The following LMO7 variants were observed in gnomAD, a reference collection of about 807,000 sequenced individuals.
LMO7 encodes the protein LIM domain 7, also known as LIM domain only protein 7.
Under a neutral mutation model 206.5 loss-of-function variants are expected in LMO7, and 120 were observed. The ratio of observed to expected loss-of-function variants is 0.58; its 90% CI spans 0.50 to 0.68. The LOEUF (loss-of-function observed/expected upper bound fraction) is 0.68. Ranked by LOEUF, LMO7 falls within the 30% of genes least tolerant of loss-of-function variation. The pLI is 0.00. For missense variants in LMO7, 1,959 were observed against 1,957.9 expected (o/e 1.00, Z -0.01); for synonymous variants, 706 against 681.5 (o/e 1.04, Z -0.56).
intron 4 of LMO7, among the ~76,000 whole-genome samples, chr13:75,765,957 T>C (rs1158194074): frequency 6.6e-6 from 1 of 152,122 alleles, no homozygotes; most frequent in Non-Finnish European, 1.5e-5. Context: ...TCTGTATCTT[T>C]AAAACGATCC....
chr13:75,748,105 T>C (rs560077307), intron 3 of LMO7, among the ~76,000 whole-genome samples: 4 of 152,254 alleles, frequency 2.6e-5, no homozygotes, highest in African/African-American at 9.6e-5. Context: ...GCAGGTGGCT[T>C]CTGGAAGCTG....
intron 3 of LMO7, among the ~76,000 whole-genome samples, chr13:75,750,494 G>A (rs1019076700): frequency 6.7e-6 from 1 of 148,934 alleles, no homozygotes; most frequent in African/African-American, 2.5e-5. Flanking sequence ...AGCTCAAGCT[G>A]TACTCCCACT....
chr13:75,769,510 T>C (rs1168670347), intron 4 of LMO7, among the ~76,000 whole-genome samples: 4 of 152,198 alleles, frequency 2.6e-5, no homozygotes, highest in Admixed American at 6.6e-5. Flanking sequence ...ACTTGTACAC[T>C]CAGTAACTCA....
intron 1 of LMO7, among the ~76,000 whole-genome samples, chr13:75,677,658 ATAC>A (rs2040124584): frequency 7.2e-6 from 1 of 138,816 alleles, no homozygotes; most frequent in South Asian, 2.3e-4. Context: ...TTTTTTTATT[ATAC>A]TTTAAGTTCT....
Position 75,835,356 on chromosome 13 carries a change from G to A in LMO7, c.3333+17G>A. ...CAGAGTTCTGTGAGTATTTGGAGAA[G>A]TAGGAAGTACTGGTGTGGAGTAAAG... On this transcript the variant is annotated intron_variant, in intron 18 of 30. Transcript: ENST00000377534. The A allele has an allele frequency of 6.5e-7, 1 of 1,546,966 alleles. No homozygotes were observed. The highest frequency in any genetic ancestry group is 8.8e-7 in the Non-Finnish European group (1 of 1,135,898).
chr13:75,799,578 G>T (rs2054475763), intron 6 of LMO7, among the ~76,000 whole-genome samples: 1 of 152,086 alleles, frequency 6.6e-6, no homozygotes, highest in Admixed American at 6.6e-5. Flanking sequence ...AAACTTTCAT[G>T]CTTGTCTCCA....
At chr13:75,759,269 T>C (rs963998643) in intron 3 of LMO7, among the ~76,000 whole-genome samples, 1 of 152,170 alleles carries the variant, frequency 6.6e-6, no homozygotes, top group East Asian at 1.9e-4. Flanking sequence ...GAGAATTGGG[T>C]GGGGACACAC....
In LMO7 at chr13:75,856,376, T is replaced by G. The variant is rs950292315; in HGVS notation, c.4771-130T>G. The G allele has an allele frequency of 8.3e-6, 5 of 604,252 alleles. No individual in the cohort carries two copies. The African/African-American group carries it at 9.2e-5, about 11-fold the overall frequency. The allele number at this position is 604,252 out of a possible 1,614,324, so 37.4% of individuals were successfully genotyped here. On this transcript the variant is annotated intron_variant, in intron 29 of 30. Transcript: ENST00000377534. Reference sequence around the variant, plus strand: ...ATCTACTAATCATCTTTCGGCCTTTTTTTTTCTTTGCTGAAATGTATCTAA... The same window carrying G: ...ATCTACTAATCATCTTTCGGCCTTTGTTTTTCTTTGCTGAAATGTATCTAA...
At position 75,826,701 on chromosome 13, in the gene LMO7, A is replaced by T. The variant is rs182053328; in HGVS notation, c.2949+2828A>T. On this transcript the variant is annotated intron_variant, in intron 15 of 30. Transcript: ENST00000377534. ...AACAATCCGAATGTGGACTATCATG[A>T]TTATACCTGTTTTAGAAACATAAAA... Among the ~76,000 whole-genome samples the T allele has an allele frequency of 1.0e-3, 159 of 152,268 alleles. 3 individuals are homozygous for T. The East Asian group carries it at 0.025, about 24-fold the overall frequency.
At chr13:75,635,157 T>C (rs2035619409), upstream of LMO7, among the ~76,000 whole-genome samples, 2 of 152,224 alleles carry the variant, frequency 1.3e-5, no homozygotes, top group African/African-American at 4.8e-5. Context: ...AGGTTTTAGA[T>C]AGTATTCTAC....
intron 2 of LMO7, among the ~76,000 whole-genome samples, chr13:75,715,525 TTAA>T (rs1464483124): frequency 1.1e-4 from 16 of 152,344 alleles, no homozygotes; most frequent in African/African-American, 3.8e-4. Flanking sequence ...ATTCTTTAAA[TTAA>T]TGTTTCCCAA....
chr13:75,636,213 A>C, upstream of LMO7: 1 of 797,114 alleles, frequency 1.3e-6, no homozygotes, highest in Non-Finnish European at 1.5e-6. Context: ...GAGCCCGGGG[A>C]GCCAAGGGAG....
intron 2 of LMO7, among the ~76,000 whole-genome samples, chr13:75,725,587 TACTC>T (rs892971898): frequency 3.3e-5 from 5 of 152,094 alleles, no homozygotes; most frequent in Non-Finnish European, 7.4e-5. Flanking sequence ...CTTATAAACT[TACTC>T]AATTCTTTTC....
At chr13:75,664,502 CTT>C (rs1312238382) in intron 1 of LMO7, among the ~76,000 whole-genome samples, 1 of 152,140 alleles carries the variant, frequency 6.6e-6, no homozygotes, top group Non-Finnish European at 1.5e-5. Flanking sequence ...GTGCAGATCT[CTT>C]TTCGATATCC....
Position 75,805,286 on chromosome 13 carries a change from A to T in LMO7, c.915-193A>T, listed in dbSNP as rs141202552. 4.3e-4 allele frequency: 405 copies of T among 942,552 alleles called. 5 individuals carry two copies. In the East Asian group the frequency reaches 0.01, roughly 23 times the overall value. The allele number at this position is 942,552 out of a possible 1,614,324, so 58.4% of individuals were successfully genotyped here. A position where few individuals can be genotyped will look rare whatever the true frequency, so the allele number is the denominator to read the frequency against. Reference sequence around the variant, plus strand: ...AATGAAGTATCTTTGGCCCGTGTGTATCTAGCTATCCTTGAGTTAAAATGA... The same window carrying T: ...AATGAAGTATCTTTGGCCCGTGTGTTTCTAGCTATCCTTGAGTTAAAATGA... On this transcript the variant is annotated intron_variant, in intron 8 of 30. Coordinates refer to ENST00000377534, the MANE Select transcript of LMO7 (RefSeq NM_001306080.2).
intron 1 of LMO7, among the ~76,000 whole-genome samples, chr13:75,706,962 AT>A (rs2042703931): frequency 6.6e-6 from 1 of 152,014 alleles, no homozygotes; most frequent in African/African-American, 2.4e-5. Flanking sequence ...AATGGAGATA[AT>A]AATAAGGATT....
chr13:75,855,245 T>G lies in LMO7; in HGVS notation c.4662-15T>G. The G allele has an allele frequency of 6.4e-7, 1 of 1,561,870 alleles. No individual in the cohort carries two copies. Among genetic ancestry groups the G allele is most frequent in the Admixed American group, 1.7e-5 (1 of 59,582 alleles). On this transcript the variant is annotated splice_polypyrimidine_tract_variant and intron_variant, in intron 28 of 30. Coordinates refer to ENST00000377534, the MANE Select transcript of LMO7 (RefSeq NM_001306080.2). ...CCAGGTGAAAGCCTCCATTCCATTC[T>G]TGTTCTGCATCTAGGTCAGTCAGTG...
intron 1 of LMO7, among the ~76,000 whole-genome samples, chr13:75,652,649 GTGTGTGTGTA>G (rs2037695875): frequency 6.9e-6 from 1 of 144,504 alleles, no homozygotes; most frequent in African/African-American, 2.5e-5. Context: ...GTGTGTGTGT[GTGTGTGTGTA>G]TTTATTTTTA....
Position 75,853,223 on chromosome 13 carries a change from T to C in LMO7, c.4496T>C (p.Val1499Ala), listed in dbSNP as rs2060637575. Residue 1499 changes from valine to alanine, a missense_variant, in exon 28 of 31, where the codon GTG (valine) becomes GCG (alanine). By Grantham distance (64) the Val-to-Ala change is moderately conservative. Transcript: ENST00000377534. ...TTTAGTCGCCCACCACCTCAGCTGG[T>C]GTCCACATCAAACCGTGCCTACATG... ...QDFSRPPPQL[V>A]STSNRAYMRN... 6.2e-7 allele frequency: 1 copy of C among 1,614,150 alleles called. No homozygotes were observed. Among genetic ancestry groups the C allele is most frequent in the Non-Finnish European group, 8.5e-7 (1 of 1,180,018 alleles).
Sources: gnomAD v4.1 joint callset for allele counts (sites outside exome capture counted in the v4.1 genomes callset) on GRCh38, gnomAD v4.1.1 for gene constraint, MANE v1.5 for transcripts, NCBI Gene and HGNC (gene_info 2026-07-23, HGNC 2026-07-21) for gene names.